Variants in AGMO observed in about 807,000 individuals in gnomAD.
The protein encoded by AGMO is alkylglycerol monooxygenase, also known as glyceryl-ether monooxygenase.
A neutral mutation model predicts 60.2 loss-of-function variants in AGMO; 75 were observed. That is an observed-to-expected ratio of 1.25 (90% CI 1.03 to 1.51). AGMO has a LOEUF of 1.51. AGMO is among the 40% of genes most tolerant of loss of function. The probability of loss-of-function intolerance (pLI) is 0.00; values close to 1 mark genes in which losing one functional copy is unlikely to be tolerated. For synonymous variants in AGMO, 261 were observed against 177.1 expected, an observed-to-expected ratio of 1.47 and a Z score of -3.76; for missense variants, 763 against 525.5, an observed-to-expected ratio of 1.45 and a Z score of -4.42.
At chr7:15,480,257 G>A (rs1378169995) in intron 3 of AGMO, among the ~76,000 whole-genome samples, 2 of 152,134 alleles carry the variant, frequency 1.3e-5, no homozygotes, top group Non-Finnish European at 2.9e-5. Flanking sequence ...TTACGTGGAA[G>A]AAACTTTGGG....
chr7:15,294,827 A>T (rs1389279379), intron 12 of AGMO, among the ~76,000 whole-genome samples: 1 of 151,982 alleles, frequency 6.6e-6, no homozygotes, highest in Non-Finnish European at 1.5e-5. Flanking sequence ...GCATATGATA[A>T]TTTAATACAT....
chr7:15,233,366 T>C (rs1328634437), intron 12 of AGMO, among the ~76,000 whole-genome samples: 1 of 152,080 alleles, frequency 6.6e-6, no homozygotes, highest in Non-Finnish European at 1.5e-5. Flanking sequence ...TCACAGGAAG[T>C]GATTCCTTGA....
chr7:15,541,949 A>AT (rs1252846317), intron 3 of AGMO, among the ~76,000 whole-genome samples: 2 of 152,092 alleles, frequency 1.3e-5, no homozygotes, highest in African/African-American at 2.4e-5. Context: ...GTAGGATTTG[A>AT]TTTTTTTCTT....
intron 12 of AGMO, among the ~76,000 whole-genome samples, chr7:15,338,589 G>A (rs1169100217): frequency 6.6e-6 from 1 of 152,026 alleles, no homozygotes. Context: ...CACTGCTATA[G>A]TTCCTAAAAA....
At chr7:15,435,269 T>C (rs889878396) in intron 3 of AGMO, among the ~76,000 whole-genome samples, 8 of 152,022 alleles carry the variant, frequency 5.3e-5, no homozygotes, top group Non-Finnish European at 1.0e-4. Context: ...TGCCTACATT[T>C]ACCTTGTTAA....
chr7:15,267,655 C>T (rs1355783651), intron 12 of AGMO, among the ~76,000 whole-genome samples: 1 of 151,940 alleles, frequency 6.6e-6, no homozygotes, highest in Non-Finnish European at 1.5e-5. Flanking sequence ...GGGCACACAG[C>T]TTCTACCCAT....
intron 12 of AGMO, among the ~76,000 whole-genome samples, chr7:15,211,851 T>C (rs1016938521): frequency 2.0e-5 from 3 of 152,048 alleles, no homozygotes; most frequent in Admixed American, 6.6e-5. Context: ...TTTTTAGTTA[T>C]AGTGTTTCTT....
intron 6 of AGMO, among the ~76,000 whole-genome samples, chr7:15,393,190 T>G (rs1331119987): frequency 1.3e-5 from 2 of 152,192 alleles, no homozygotes; most frequent in Non-Finnish European, 1.5e-5. Context: ...TGATCTGGCC[T>G]CTCCCCTTCT....
chr7:15,358,193 G>A (rs1334302515), intron 12 of AGMO: 2 of 191,692 alleles, frequency 1.0e-5, no homozygotes, highest in African/African-American at 2.4e-5. Context: ...AGTTTGGCAT[G>A]TAACAGCTAC....
intron 12 of AGMO, among the ~76,000 whole-genome samples, chr7:15,298,402 T>C (rs1157098678): frequency 6.6e-6 from 1 of 152,084 alleles, no homozygotes; most frequent in Non-Finnish European, 1.5e-5. Flanking sequence ...TGTCTGTGTG[T>C]GTTTGTTTTT....
intron 3 of AGMO, among the ~76,000 whole-genome samples, chr7:15,481,463 T>G (rs2128517385): frequency 6.6e-6 from 1 of 152,064 alleles, no homozygotes; most frequent in African/African-American, 2.4e-5. Context: ...TAAAAAGAAA[T>G]ATTTCATAAT....
At chr7:15,128,268 A>G in the AGMO span, among the ~76,000 whole-genome samples, 4 of 152,274 alleles carry the variant, frequency 2.6e-5, no homozygotes, top group East Asian at 7.7e-4. Context: ...AGCTGTGGTT[A>G]TATCTCCATA....
the AGMO span, among the ~76,000 whole-genome samples, chr7:15,163,539 G>A: frequency 6.6e-6 from 1 of 152,048 alleles, no homozygotes; most frequent in Non-Finnish European, 1.5e-5. Context: ...AGGGATGTTA[G>A]ATTTTATAGA....
the AGMO span, among the ~76,000 whole-genome samples, chr7:15,121,890 T>G: frequency 6.6e-6 from 1 of 151,940 alleles, no homozygotes; most frequent in South Asian, 2.1e-4. Flanking sequence ...CCTAACACAT[T>G]AAACAAAAAT....
chr7:15,247,944 T>C (rs1336220449), intron 12 of AGMO, among the ~76,000 whole-genome samples: 3 of 151,098 alleles, frequency 2.0e-5, no homozygotes, highest in East Asian at 4.0e-4. Flanking sequence ...AGAGAATGTA[T>C]TGAGGGAAGA....
chr7:15,498,524 G>T (rs138876400), intron 3 of AGMO, among the ~76,000 whole-genome samples: 121 of 152,054 alleles, frequency 8.0e-4, no homozygotes, highest in Middle Eastern at 6.8e-3. Context: ...ACAGAATAAA[G>T]AAGGTTAGAA....
At chr7:15,389,332 G>A (rs1443560513) in intron 8 of AGMO, among the ~76,000 whole-genome samples, 2 of 152,058 alleles carry the variant, frequency 1.3e-5, no homozygotes, top group Non-Finnish European at 2.9e-5. Flanking sequence ...CTGCAATAAG[G>A]AGACAACTCC....
intron 12 of AGMO, among the ~76,000 whole-genome samples, chr7:15,290,000 G>A (rs1169375563): frequency 7.6e-6 from 1 of 132,200 alleles, no homozygotes; most frequent in East Asian, 2.1e-4. Flanking sequence ...TGCCCAGGAT[G>A]GACAGTGCAG....
chr7:15,357,055 C>T (rs1033157452), intron 12 of AGMO, among the ~76,000 whole-genome samples: 13 of 148,588 alleles, frequency 8.7e-5, no homozygotes, highest in Middle Eastern at 3.6e-3. Flanking sequence ...ACCTGGGAGG[C>T]GGAGGATGCA....
Sources: gnomAD v4.1 joint callset for allele counts (sites outside exome capture counted in the v4.1 genomes callset) on GRCh38, gnomAD v4.1.1 for gene constraint, MANE v1.5 for transcripts, NCBI Gene and HGNC (gene_info 2026-07-23, HGNC 2026-07-21) for gene names.